The following STX5 variants were observed in gnomAD, a reference collection of about 807,000 sequenced individuals.
The protein encoded by STX5 is syntaxin-5.
In STX5, 15 loss-of-function variants were observed where a neutral mutation model predicts 42.9. That is an observed-to-expected ratio of 0.35 (90% CI 0.23 to 0.54). The LOEUF is 0.54. Among genes scored for constraint, STX5 ranks in the 20% least tolerant of loss-of-function variants. The pLI is 0.91. For synonymous variants in STX5, 184 were observed against 173.2 expected, an observed-to-expected ratio of 1.06 and a Z score of -0.49; for missense variants, 430 against 455.0, an observed-to-expected ratio of 0.95 and a Z score of 0.50.
At chr11:62,813,130 C>T (rs2084636714) in intron 10 of STX5, among the ~76,000 whole-genome samples, 1 of 149,678 alleles carries the variant, frequency 6.7e-6, no homozygotes, top group East Asian at 2.0e-4. Flanking sequence ...AATTATTAGC[C>T]AGGCATGGTG....
chr11:62,807,359 A>C lies in STX5; in HGVS notation c.*110T>G. 6.8e-7 allele frequency: 1 copy of C among 1,468,070 alleles called. No individual in the cohort carries two copies. 90.9% of individuals were successfully genotyped at this position (1,468,070 alleles called of 1,614,324 possible). A position where few individuals can be genotyped will look rare whatever the true frequency, so the allele number is the denominator to read the frequency against. On this transcript the variant is annotated 3_prime_UTR_variant, in exon 11 of 11. Coordinates refer to ENST00000294179, the MANE Select transcript of STX5 (RefSeq NM_003164.5). ...GTGGTCATTCTTAGCAGTTCCAGGGAAACAGGGCCTTTCTCCCAAGTACCC... is the reference window on the plus strand; with the variant it reads ...GTGGTCATTCTTAGCAGTTCCAGGGCAACAGGGCCTTTCTCCCAAGTACCC...
chr11:62,807,362 C>T lies in STX5; in HGVS notation c.*107G>A. Reference sequence around the variant, plus strand: ...GTCATTCTTAGCAGTTCCAGGGAAACAGGGCCTTTCTCCCAAGTACCCTGC... The same window carrying T: ...GTCATTCTTAGCAGTTCCAGGGAAATAGGGCCTTTCTCCCAAGTACCCTGC... On this transcript the variant is annotated 3_prime_UTR_variant, in exon 11 of 11. Transcript: ENST00000294179. 2.0e-6 allele frequency: 3 copies of T among 1,472,436 alleles called. No individual in the cohort carries two copies. Among genetic ancestry groups the T allele is most frequent in the East Asian group, 2.5e-5 (1 of 40,714 alleles). The allele number at this position is 1,472,436 out of a possible 1,614,324, so 91.2% of individuals were successfully genotyped here. A position where few individuals can be genotyped will look rare whatever the true frequency, so the allele number is the denominator to read the frequency against.
At chr11:62,824,381 G>A (rs771149611) in intron 9 of STX5, 78 bp downstream of exon 9, 25 of 1,612,492 alleles carry the variant, frequency 1.6e-5, no homozygotes, top group Non-Finnish European at 2.0e-5. Flanking sequence ...TTCTGCCCAT[G>A]GCACACTCCA....
chr11:62,809,606 A>G (rs1233770348), intron 10 of STX5, among the ~76,000 whole-genome samples: 5 of 134,568 alleles, frequency 3.7e-5, no homozygotes, highest in African/African-American at 1.4e-4. Flanking sequence ...CCTGGGAGGC[A>G]GAGCTTGCAG....
At chr11:62,813,752 C>T (rs1665410259) in intron 10 of STX5, among the ~76,000 whole-genome samples, 1 of 152,150 alleles carries the variant, frequency 6.6e-6, no homozygotes, top group African/African-American at 2.4e-5. Flanking sequence ...CCTCTACTGG[C>T]TTTTCTTCTT....
intron 10 of STX5, chr11:62,815,942 T>A (rs1483506488): frequency 6.6e-6 from 1 of 152,170 alleles, no homozygotes; most frequent in Non-Finnish European, 1.5e-5. Context: ...TTGGTATACA[T>A]ATTATCTCAT....
chr11:62,820,794 G>A (rs1052481214), intron 10 of STX5, among the ~76,000 whole-genome samples: 5 of 151,958 alleles, frequency 3.3e-5, no homozygotes, highest in Non-Finnish European at 7.4e-5. Context: ...ACAGGCGTGA[G>A]CCACTGCACC....
At chr11:62,814,751 C>T (rs2084654992) in intron 10 of STX5, among the ~76,000 whole-genome samples, 2 of 151,778 alleles carry the variant, frequency 1.3e-5, no homozygotes, top group Admixed American at 6.6e-5. Context: ...TGCGCCACCA[C>T]GCTCAGCAAA....
intron 10 of STX5, among the ~76,000 whole-genome samples, chr11:62,808,262 C>CA (rs1322224701): frequency 6.6e-6 from 1 of 151,422 alleles, no homozygotes; most frequent in East Asian, 1.9e-4. Context: ...CCCATCTCTG[C>CA]AAAAAATACA....
chr11:62,824,781 G>A (rs1279832606), intron 8 of STX5, among the ~76,000 whole-genome samples: 1 of 151,808 alleles, frequency 6.6e-6, no homozygotes, highest in Non-Finnish European at 1.5e-5. Context: ...ATGAGAGAAT[G>A]TGAATAAAGT....
chr11:62,821,153 C>T (rs2134837228), intron 10 of STX5, among the ~76,000 whole-genome samples: 1 of 151,716 alleles, frequency 6.6e-6, no homozygotes, highest in East Asian at 2.0e-4. Flanking sequence ...ACTAAAAATA[C>T]AAAAATTACC....
chr11:62,824,601 G>A (rs2134846824), intron 8 of STX5, 36 bp from the exon 9 acceptor site: 3 of 1,602,124 alleles, frequency 1.9e-6, no homozygotes, highest in East Asian at 2.2e-5. Context: ...CACCTTAACA[G>A]TTAAAAGCAG....
Position 62,825,359 on chromosome 11 carries a change from G to A in STX5, c.541-20C>T, listed in dbSNP as rs769176566. On this transcript the variant is annotated intron_variant, in intron 6 of 10. Transcript: ENST00000294179. Reference sequence around the variant, plus strand: ...TTTCGACTAGAAGAAAAGGAGAGAGGGTCAACCAAAGAAGGCTCCACATTC... The same window carrying A: ...TTTCGACTAGAAGAAAAGGAGAGAGAGTCAACCAAAGAAGGCTCCACATTC... 5.6e-6 allele frequency: 9 copies of A among 1,613,970 alleles called. No individual in the cohort carries two copies. Among genetic ancestry groups the A allele is most frequent in the East Asian group, 2.2e-5 (1 of 44,902 alleles).
chr11:62,822,496 C>A lies in STX5; in HGVS notation c.908+1670G>T, dbSNP rs2084750647. ...TGTACAACTCTCTTCCTCATTGATC[C>A]CAGCTGCAGTAGTCTCTGCTGTCCT... is the stretch of plus-strand genomic sequence containing the variant. On this transcript the variant is annotated intron_variant, in intron 10 of 10. Coordinates refer to ENST00000294179, the MANE Select transcript of STX5 (RefSeq NM_003164.5). Among the ~76,000 whole-genome samples the A allele has an allele frequency of 2.6e-5, 4 of 152,156 alleles. No individual in the cohort carries two copies. In the South Asian group the frequency reaches 6.2e-4, roughly 24 times the overall value.
chr11:62,831,850 C>G (rs2084872174), intron 1 of STX5, 104 bp downstream of exon 1: 1 of 453,996 alleles, frequency 2.2e-6, no homozygotes, highest in Admixed American at 2.4e-5. Flanking sequence ...GCAGGACTTG[C>G]CCGCTCGCCC....
chr11:62,807,672 T>A, intron 10 of STX5, 44 bp from the exon 11 acceptor site: 1 of 1,608,692 alleles, frequency 6.2e-7, no homozygotes. Flanking sequence ...GGACACTGGA[T>A]TAAAAAGAAT....
chr11:62,826,333 G>C (rs1004478362), intron 5 of STX5, among the ~76,000 whole-genome samples: 1 of 151,948 alleles, frequency 6.6e-6, no homozygotes, highest in East Asian at 1.9e-4. Context: ...TGAGGTGGGC[G>C]GATCACCTGA....
intron 10 of STX5, among the ~76,000 whole-genome samples, chr11:62,819,588 G>A (rs2084716448): frequency 6.6e-6 from 1 of 151,752 alleles, no homozygotes; most frequent in Non-Finnish European, 1.5e-5. Context: ...CCCAATCTCT[G>A]CTCACTGCAA....
At chr11:62,819,571 G>A (rs1472987562) in intron 10 of STX5, among the ~76,000 whole-genome samples, 1 of 151,624 alleles carries the variant, frequency 6.6e-6, no homozygotes, top group Admixed American at 6.6e-5. Flanking sequence ...AGGCTGGAGT[G>A]CAGTGGCCCA....
Sources: allele counts gnomAD v4.1 joint callset (sites outside exome capture counted in the v4.1 genomes callset), GRCh38; gene constraint gnomAD v4.1.1; transcripts MANE v1.5; gene names NCBI Gene and HGNC (gene_info 2026-07-23, HGNC 2026-07-21).